PTPRG: variants seen among roughly 807,000 people sequenced by gnomAD.
The protein encoded by PTPRG is receptor-type tyrosine-protein phosphatase gamma.
Under a neutral mutation model 165.3 loss-of-function variants are expected in PTPRG, and 102 were observed. That is an observed-to-expected ratio of 0.62 (90% CI 0.53 to 0.73). The LOEUF (loss-of-function observed/expected upper bound fraction) is 0.73. Ranked by LOEUF, PTPRG falls within the 30% of genes least tolerant of loss-of-function variation. The probability of loss-of-function intolerance (pLI) is 0.00; values close to 1 mark genes in which losing one functional copy is unlikely to be tolerated. For synonymous variants in PTPRG, 675 were observed against 669.5 expected, an observed-to-expected ratio of 1.01 and a Z score of -0.13; for missense variants, 1,866 against 1,861.4, an observed-to-expected ratio of 1.00 and a Z score of -0.05.
chr3:61,848,497 G>A (rs189782243), intron 2 of PTPRG, among the ~76,000 whole-genome samples: 1 of 152,274 alleles, frequency 6.6e-6, no homozygotes, highest in East Asian at 1.9e-4. Flanking sequence ...CCAAGTTAAG[G>A]CTGTTCTTTT....
chr3:62,221,232 T>C (rs1251289855), intron 13 of PTPRG, among the ~76,000 whole-genome samples: 1 of 152,234 alleles, frequency 6.6e-6, no homozygotes, highest in African/African-American at 2.4e-5. Context: ...ATGATGTTTA[T>C]TATACATGTA....
intron 2 of PTPRG, among the ~76,000 whole-genome samples, chr3:61,965,347 A>G (rs13061577): frequency 0.24 from 35,836 of 151,498 alleles, 4,844 homozygotes; most frequent in African/African-American, 0.36. Flanking sequence ...AATTAGCTGG[A>G]CGTGCTAGTG....
At chr3:62,293,031 T>A (rs1702956272) in intron 29 of PTPRG, 130 bp from the exon 30 acceptor site, 2 of 757,584 alleles carry the variant, frequency 2.6e-6, no homozygotes, top group African/African-American at 1.8e-5. Context: ...TTAGTTTTTT[T>A]AGATAACATT....
chr3:61,884,582 C>T (rs186561022), intron 2 of PTPRG, among the ~76,000 whole-genome samples: 104 of 152,242 alleles, frequency 6.8e-4, no homozygotes, highest in Admixed American at 2.6e-3. Context: ...TGCTTGTTTT[C>T]GTAGGATGTT....
chr3:62,057,527 C>T (rs907326264), intron 4 of PTPRG, among the ~76,000 whole-genome samples: 1 of 152,172 alleles, frequency 6.6e-6, no homozygotes, highest in Non-Finnish European at 1.5e-5. Flanking sequence ...CTCTTGGCCC[C>T]AGGCCAGTAA....
chr3:61,895,636 G>A (rs906497222), intron 2 of PTPRG, among the ~76,000 whole-genome samples: 2 of 152,182 alleles, frequency 1.3e-5, no homozygotes, highest in Non-Finnish European at 2.9e-5. Context: ...TGAAAGTCAA[G>A]TTTTGTGTTT....
chr3:61,959,745 T>C (rs2040108558), intron 2 of PTPRG, among the ~76,000 whole-genome samples: 1 of 152,224 alleles, frequency 6.6e-6, no homozygotes, highest in Non-Finnish European at 1.5e-5. Flanking sequence ...ACAACACTTG[T>C]GTTTTGTCCT....
intron 1 of PTPRG, among the ~76,000 whole-genome samples, chr3:61,731,786 G>T (rs2032511735): frequency 1.3e-5 from 2 of 151,852 alleles, no homozygotes; most frequent in African/African-American, 4.8e-5. Flanking sequence ...AACGTGAACT[G>T]CATAGGTACT....
intron 1 of PTPRG, among the ~76,000 whole-genome samples, chr3:61,579,160 C>T (rs1415969660): frequency 6.6e-6 from 1 of 152,164 alleles, no homozygotes; most frequent in Non-Finnish European, 1.5e-5. Context: ...AGAGACTAGT[C>T]CTTCAGACCT....
intron 5 of PTPRG, among the ~76,000 whole-genome samples, chr3:62,119,819 A>G (rs1487237776): frequency 8.5e-6 from 1 of 117,462 alleles, no homozygotes; most frequent in Non-Finnish European, 1.8e-5. Flanking sequence ...GTATTTTAGT[A>G]GAGGCGGGGT....
At chr3:62,018,660 T>A (rs1472332936) in intron 4 of PTPRG, among the ~76,000 whole-genome samples, 1 of 152,148 alleles carries the variant, frequency 6.6e-6, no homozygotes, top group Non-Finnish European at 1.5e-5. Flanking sequence ...TTAATAAAAC[T>A]CATCAGGTAA....
At chr3:61,640,345 A>T (rs1329845428) in intron 1 of PTPRG, among the ~76,000 whole-genome samples, 1 of 152,174 alleles carries the variant, frequency 6.6e-6, no homozygotes, top group Non-Finnish European at 1.5e-5. Context: ...GTCCTGGGGT[A>T]TACACCTGGG....
intron 2 of PTPRG, among the ~76,000 whole-genome samples, chr3:61,834,495 A>T (rs1453163548): frequency 6.6e-6 from 1 of 152,070 alleles, no homozygotes; most frequent in Non-Finnish European, 1.5e-5. Flanking sequence ...CAGGAGTTCA[A>T]GACTAGCCTA....
chr3:61,759,202 C>T (rs557311058), intron 2 of PTPRG, among the ~76,000 whole-genome samples: 80 of 152,210 alleles, frequency 5.3e-4, no homozygotes, highest in African/African-American at 1.6e-3. Flanking sequence ...TCCTATGTTT[C>T]GTTTACTTTA....
At chr3:61,950,041 C>T (rs896849298) in intron 2 of PTPRG, among the ~76,000 whole-genome samples, 10 of 152,288 alleles carry the variant, frequency 6.6e-5, no homozygotes, top group Middle Eastern at 3.4e-3. Flanking sequence ...CCACTGAGCC[C>T]GGCCAAGCCT....
At chr3:61,724,288 C>T (rs1489484302) in intron 1 of PTPRG, among the ~76,000 whole-genome samples, 3 of 151,460 alleles carry the variant, frequency 2.0e-5, no homozygotes, top group African/African-American at 4.9e-5. Flanking sequence ...TTCATAGTGC[C>T]CCTGATCTCC....
At chr3:61,941,984 C>T (rs554225104) in intron 2 of PTPRG, among the ~76,000 whole-genome samples, 1 of 151,592 alleles carries the variant, frequency 6.6e-6, no homozygotes, top group African/African-American at 2.4e-5. Flanking sequence ...CATGGTGAAA[C>T]CCTGTCTCTA....
intron 1 of PTPRG, among the ~76,000 whole-genome samples, chr3:61,580,521 G>C (rs559826599): frequency 2.0e-5 from 3 of 151,710 alleles, no homozygotes; most frequent in Non-Finnish European, 4.4e-5. Flanking sequence ...ATTTTTAGTA[G>C]AGACGGCGTT....
chr3:61,658,242 G>A lies in PTPRG; in HGVS notation c.86-90636G>A, dbSNP rs1178355039. ...TCTGGCCTGATGCAAGCAGGCACCC[G>A]GTGCCTGTGGATTCAGGACTGGTCA... On this transcript the variant is annotated intron_variant, in intron 1 of 29. Coordinates refer to ENST00000474889, the MANE Select transcript of PTPRG (RefSeq NM_002841.4). 5.3e-5 allele frequency among the ~76,000 whole-genome samples: 8 copies of A among 152,264 alleles called. No individual in the cohort carries two copies. The South Asian group carries it at 6.2e-4, about 12-fold the overall frequency.
Sources: gnomAD v4.1 joint callset for allele counts (sites outside exome capture counted in the v4.1 genomes callset) on GRCh38, gnomAD v4.1.1 for gene constraint, MANE v1.5 for transcripts, NCBI Gene and HGNC (gene_info 2026-07-23, HGNC 2026-07-21) for gene names.